COL27A1: variants seen among roughly 807,000 people sequenced by gnomAD.
COL27A1 encodes the protein collagen alpha-1(XXVII) chain.
A neutral mutation model predicts 251.3 loss-of-function variants in COL27A1; 106 were observed. That is an observed-to-expected ratio of 0.42 (90% CI 0.36 to 0.50). COL27A1 has a LOEUF of 0.50. COL27A1 is among the 20% of genes least tolerant of loss of function. The probability of loss-of-function intolerance (pLI) is 0.00; values close to 1 mark genes in which losing one functional copy is unlikely to be tolerated. For synonymous variants in COL27A1, 1,000 were observed against 986.3 expected (o/e 1.01, Z -0.26); for missense variants, 2,325 against 2,522.8 (o/e 0.92, Z 1.68).
chr9:114,280,969 TC>T (rs1353041268), intron 37 of COL27A1, among the ~76,000 whole-genome samples: 2 of 152,198 alleles, frequency 1.3e-5, no homozygotes, highest in Admixed American at 6.5e-5. Context: ...AGGAACCAAG[TC>T]CTCTGGGTTG....
Position 114,242,268 on chromosome 9 carries a change from G to A in COL27A1, c.2880+37G>A, listed in dbSNP as rs1181727276. On this transcript the variant is annotated intron_variant, in intron 22 of 60. Transcript: ENST00000356083. Reference sequence around the variant, plus strand: ...TGGCCTGGGGTAGGTGGCATTCATGGGAGCTGAGCCAGCTGTGCACAGGCA... The same window carrying A: ...TGGCCTGGGGTAGGTGGCATTCATGAGAGCTGAGCCAGCTGTGCACAGGCA... 1.9e-6 allele frequency: 3 copies of A among 1,585,888 alleles called. No individual in the cohort carries two copies. The South Asian group carries it at 3.4e-5, about 18-fold the overall frequency.
In COL27A1 at chr9:114,290,675, G is replaced by A. The variant is rs1827853575; in HGVS notation, c.4369-135G>A. On this transcript the variant is annotated intron_variant, in intron 47 of 60. Transcript: ENST00000356083. This position sits in a 1 kb window ranked among gnomAD's most constrained non-coding sequence, Gnocchi z 4.6. ...TCCTGGTCCAGCCACATCACACACA[G>A]GCCGTCTGACCTCCATCCTGGAGTG... 3.1e-5 allele frequency: 21 copies of A among 669,034 alleles called. No individual in the cohort carries two copies. In the South Asian group the frequency reaches 3.8e-4, roughly 12 times the overall value. The allele number at this position is 669,034 out of a possible 1,614,324, so 41.4% of individuals were successfully genotyped here. A position where few individuals can be genotyped will look rare whatever the true frequency, so the allele number is the denominator to read the frequency against.
At chr9:114,246,493 C>T (rs1833139522) in intron 24 of COL27A1, among the ~76,000 whole-genome samples, 1 of 152,224 alleles carries the variant, frequency 6.6e-6, no homozygotes, top group South Asian at 2.1e-4. Flanking sequence ...GGCAGAGGGA[C>T]AGCTTCAATC....
intron 2 of COL27A1, among the ~76,000 whole-genome samples, chr9:114,163,530 G>A (rs2808797): frequency 0.24 from 36,664 of 152,148 alleles, 4,664 homozygotes; most frequent in Middle Eastern, 0.37. Context: ...CCGGGGCAGC[G>A]ATGGGCTGGC....
intron 28 of COL27A1, among the ~76,000 whole-genome samples, chr9:114,263,332 C>T: frequency 6.6e-6 from 1 of 152,194 alleles, no homozygotes; most frequent in East Asian, 1.9e-4. Flanking sequence ...TAGACACTTC[C>T]CCAGTTCCTT....
chr9:114,279,952 A>G (rs1002302772), intron 37 of COL27A1, among the ~76,000 whole-genome samples: 1 of 152,254 alleles, frequency 6.6e-6, no homozygotes. Context: ...ATCATTAATA[A>G]GATATTTAGC....
At chr9:114,187,496 G>A (rs1449415704) in intron 5 of COL27A1, among the ~76,000 whole-genome samples, 3 of 152,264 alleles carry the variant, frequency 2.0e-5, no homozygotes, top group Admixed American at 6.5e-5. Flanking sequence ...ATAGGTCCAA[G>A]ATGCTAAATA....
chr9:114,223,099 G>T (rs1402486111), intron 14 of COL27A1, among the ~76,000 whole-genome samples: 1 of 152,170 alleles, frequency 6.6e-6, no homozygotes, highest in African/African-American at 2.4e-5. Context: ...GGCCCCTGCT[G>T]CGCTTTCAGT....
In COL27A1 at chr9:114,269,252, A is replaced by G; in HGVS notation, c.3513A>G (p.Gly1171=). The change falls in exon 35 of 61, where the codon GGA becomes GGG. Residue 1171 remains glycine, a synonymous_variant. Transcript: ENST00000356083. ...TCGGCTTCTCCTAGGGTGACCTTGG[A>G]CCCCTGGGCACTCCTGGGGAGCAGG... The part of the protein sequence containing the change: ...PGEAGMKGDL[G]PLGTPGEQGL... 1 of 1,602,420 alleles carries G rather than the reference A, an allele frequency of 6.2e-7. No individual in the cohort carries two copies. The highest frequency in any genetic ancestry group is 1.1e-5 in the South Asian group (1 of 89,488).
At chr9:114,292,006 G>T in intron 48 of COL27A1, 97 bp from the exon 49 acceptor site, 1 of 1,061,322 alleles carries the variant, frequency 9.4e-7, no homozygotes, top group South Asian at 1.4e-5. Flanking sequence ...GGTACCCTGT[G>T]GAATCACTGT....
rs1472969488 is a variant in COL27A1 at position 114,243,531 on chromosome 9, C to A, written c.2905C>A (p.Pro969Thr). 1 of 1,613,886 alleles carries A rather than the reference C, an allele frequency of 6.2e-7. No homozygotes were observed. ...GGGTCAGCCTGGCAGGAAGGGGTTTCCTGGGAGGCCCGGCCTGGATGGCGT... is the reference window on the plus strand; with the variant it reads ...GGGTCAGCCTGGCAGGAAGGGGTTTACTGGGAGGCCCGGCCTGGATGGCGT... ...LEGQPGRKGF[P>T]GRPGLDGVKG... Residue 969 changes from proline to threonine, a missense_variant, in exon 23 of 61, where the codon CCT (proline) becomes ACT (threonine). Pro to Thr is a conservative substitution (Grantham distance 38). Coordinates refer to ENST00000356083, the MANE Select transcript of COL27A1 (RefSeq NM_032888.4).
chr9:114,190,432 A>T (rs1828676756), intron 5 of COL27A1, among the ~76,000 whole-genome samples: 1 of 152,138 alleles, frequency 6.6e-6, no homozygotes, highest in African/African-American at 2.4e-5. Context: ...CACCACACCC[A>T]GCTAAATTTT....
chr9:114,245,476 G>A (rs558886101), intron 23 of COL27A1, among the ~76,000 whole-genome samples: 153 of 152,226 alleles, frequency 1.0e-3, no homozygotes, highest in African/African-American at 2.8e-3. Context: ...CATTTCAACC[G>A]GGCAGACCAA....
At chr9:114,258,516 T>C (rs1208000030) in intron 27 of COL27A1, 25 bp from the exon 28 acceptor site, 1 of 1,609,260 alleles carries the variant, frequency 6.2e-7, no homozygotes. Context: ...AAGGGGCCTC[T>C]CCAAACTCTT....
intron 49 of COL27A1, among the ~76,000 whole-genome samples, chr9:114,299,010 A>G (rs1294256484): frequency 2.6e-5 from 4 of 152,248 alleles, no homozygotes; most frequent in Admixed American, 2.0e-4. Context: ...CAAATATCCA[A>G]TAAGCATTGA....
At chr9:114,228,630 T>C (rs1226751960) in intron 14 of COL27A1, among the ~76,000 whole-genome samples, 3 of 152,228 alleles carry the variant, frequency 2.0e-5, no homozygotes, top group Non-Finnish European at 2.9e-5. Context: ...AGCCTCAGTT[T>C]CCTCATCTAT....
chr9:114,307,768 C>T lies in COL27A1; in HGVS notation c.5207C>T (p.Thr1736Met), dbSNP rs372335521. 3.7e-5 allele frequency: 59 copies of T among 1,612,994 alleles called. No homozygotes were observed. The East Asian group carries it at 4.2e-4, about 12-fold the overall frequency. The change falls in exon 59 of 61, where the codon ACG becomes ATG. Residue 1736 changes from threonine (T) to methionine (M), a missense_variant. Physicochemically the swap from Thr to Met is moderately conservative, Grantham distance 81. This residue lies in a region of COL27A1 where 327 missense variants were observed against 442.8 expected (regional missense o/e 0.74). Coordinates refer to ENST00000356083, the MANE Select transcript of COL27A1 (RefSeq NM_032888.4). ...GGACAGACGTGTCTCAAGCCCATCA[C>T]GGCCTCCAAGGTACCCATCAGCTCC... ...HGGQTCLKPITASKVEFAISR... is the reference protein window; with the variant it reads ...HGGQTCLKPIMASKVEFAISR...
At chr9:114,227,425 C>T (rs1371067932) in intron 14 of COL27A1, among the ~76,000 whole-genome samples, 1 of 151,810 alleles carries the variant, frequency 6.6e-6, no homozygotes, top group Non-Finnish European at 1.5e-5. Context: ...TGCCTCTGCC[C>T]CCTGTTTATT....
chr9:114,301,991 T>C lies in COL27A1; in HGVS notation c.4846-91T>C, dbSNP rs1048518508. 1.2e-5 allele frequency: 15 copies of C among 1,297,316 alleles called. No homozygotes were observed. The Admixed American group carries it at 1.5e-4, about 13-fold the overall frequency. The allele number at this position is 1,297,316 out of a possible 1,614,324, so 80.4% of individuals were successfully genotyped here. A position where few individuals can be genotyped will look rare whatever the true frequency, so the allele number is the denominator to read the frequency against. ...AGAGGCCAGCTTGGCAGGTCCTGCA[T>C]GCTTTGATGGTCTCCCTGGTCTCCT... On this transcript the variant is annotated intron_variant, in intron 55 of 60. Coordinates refer to ENST00000356083, the MANE Select transcript of COL27A1 (RefSeq NM_032888.4).
Sources: gnomAD v4.1 joint callset for allele counts (sites outside exome capture counted in the v4.1 genomes callset) on GRCh38, gnomAD v4.1.1 for gene constraint, gnomAD v4.1.1 regional missense constraint, Gnocchi (gnomAD v3.1) non-coding constraint, MANE v1.5 for transcripts, NCBI Gene and HGNC (gene_info 2026-07-23, HGNC 2026-07-21) for gene names.